Variants in LRMDA observed in about 807,000 individuals in gnomAD.
LRMDA encodes the protein leucine rich melanocyte differentiation associated, also known as leucine-rich melanocyte differentiation-associated protein.
A neutral mutation model predicts 29.8 loss-of-function variants in LRMDA; 18 were observed. The observed-to-expected ratio is 0.60, with a 90% CI of 0.42 to 0.90. The LOEUF is 0.90. Among genes scored for constraint, LRMDA ranks in the 40% least tolerant of loss-of-function variants. The probability of loss-of-function intolerance (pLI) is 0.00; values close to 1 mark genes in which losing one functional copy is unlikely to be tolerated. For missense variants in LRMDA, 273 were observed against 273.9 expected (o/e 1.00, Z 0.02); for synonymous variants, 125 against 109.4 (o/e 1.14, Z -0.89).
intron 5 of LRMDA, among the ~76,000 whole-genome samples, chr10:76,228,054 G>T (rs761435222): frequency 1.3e-5 from 2 of 149,040 alleles, no homozygotes; most frequent in Admixed American, 1.3e-4. Flanking sequence ...ACAGAGTCTC[G>T]CTCTGTTGCT....
chr10:76,263,558 T>A (rs527272805), intron 5 of LRMDA, among the ~76,000 whole-genome samples: 1 of 152,322 alleles, frequency 6.6e-6, no homozygotes, highest in Admixed American at 6.5e-5. Context: ...ATAACTCATC[T>A]CACATAGTTA....
At chr10:76,488,042 A>C (rs1044087773) in intron 6 of LRMDA, among the ~76,000 whole-genome samples, 5 of 151,854 alleles carry the variant, frequency 3.3e-5, no homozygotes, top group African/African-American at 1.2e-4. Flanking sequence ...TAAGTGGTTC[A>C]GATTTTTTAA....
At chr10:75,776,178 T>C (rs1366481527) in intron 2 of LRMDA, among the ~76,000 whole-genome samples, 2 of 152,206 alleles carry the variant, frequency 1.3e-5, no homozygotes, top group East Asian at 1.9e-4. Context: ...TGCTGAACAC[T>C]GAGGAAAGCA....
chr10:76,199,509 T>A (rs1459014188), intron 5 of LRMDA, among the ~76,000 whole-genome samples: 1 of 152,204 alleles, frequency 6.6e-6, no homozygotes, highest in African/African-American at 2.4e-5. Context: ...CACAGGCATT[T>A]ACTTGTATCC....
intron 5 of LRMDA, among the ~76,000 whole-genome samples, chr10:76,322,653 C>A (rs1840785619): frequency 6.6e-6 from 1 of 152,206 alleles, no homozygotes; most frequent in Non-Finnish European, 1.5e-5. Flanking sequence ...AAAAAGCTGT[C>A]ATCAAATTGT....
At position 75,706,820 on chromosome 10, in the gene LRMDA, G is replaced by A. The variant is rs145155472; in HGVS notation, c.131+268326G>A. 9.7e-3 allele frequency among the ~76,000 whole-genome samples: 1,443 copies of A among 148,098 alleles called. 24 individuals are homozygous for A. The highest frequency in any genetic ancestry group is 0.034 in the African/African-American group (1,365 of 39,788). ...TCCAGCTTTTACGGAGTCAGAATTC[G>A]AAGTCAGGTCCACCCTGCCATGCAC... On this transcript the variant is annotated intron_variant, in intron 2 of 6. Coordinates refer to ENST00000611255, the MANE Select transcript of LRMDA (RefSeq NM_001305581.2).
chr10:76,342,241 G>T lies in LRMDA; in HGVS notation c.601+17756G>T, dbSNP rs377615901. Among the ~76,000 whole-genome samples, 9 of 152,006 alleles carry T rather than the reference G, an allele frequency of 5.9e-5. No individual in the cohort carries two copies. The East Asian group carries it at 9.6e-4, about 16-fold the overall frequency. ...TAGTACTCTTACATTTCAAGTCAGA[G>T]ATAACATATATGGTTAAGAATTCCT... On this transcript the variant is annotated intron_variant, in intron 6 of 6. Transcript: ENST00000611255.
At chr10:75,974,046 A>G (rs1209367050) in intron 2 of LRMDA, among the ~76,000 whole-genome samples, 1 of 152,152 alleles carries the variant, frequency 6.6e-6, no homozygotes, top group Non-Finnish European at 1.5e-5. Context: ...GATGTTGGCA[A>G]AACTACAAAC....
intron 2 of LRMDA, among the ~76,000 whole-genome samples, chr10:75,832,175 G>A (rs1441291744): frequency 6.6e-6 from 1 of 152,102 alleles, no homozygotes; most frequent in African/African-American, 2.4e-5. Context: ...AAATTTTAAT[G>A]CTCTGTTTCC....
chr10:76,286,329 G>T (rs965137031), intron 5 of LRMDA, among the ~76,000 whole-genome samples: 3 of 152,198 alleles, frequency 2.0e-5, no homozygotes, highest in African/African-American at 7.2e-5. Flanking sequence ...GAAATCAGAT[G>T]ACCTGGATTC....
chr10:75,957,702 G>A (rs1408747759), intron 2 of LRMDA, among the ~76,000 whole-genome samples: 1 of 152,182 alleles, frequency 6.6e-6, no homozygotes, highest in South Asian at 2.1e-4. Flanking sequence ...CAGCAATGGG[G>A]TTAGAGAGGG....
At position 75,957,392 on chromosome 10, in the gene LRMDA, G is replaced by T. The variant is rs140409777; in HGVS notation, c.132-78616G>T. ...TTCTTTGTTACAGACAACAATGAAG[G>T]GTGCCTTTAAGAAATCTCCAGTGAG... On this transcript the variant is annotated intron_variant, in intron 2 of 6. Transcript: ENST00000611255. Among the ~76,000 whole-genome samples, 376 of 152,326 alleles carry T rather than the reference G, an allele frequency of 2.5e-3. 3 individuals carry two copies. Among genetic ancestry groups the T allele is most frequent in the African/African-American group, 8.2e-3 (342 of 41,588 alleles).
At chr10:76,029,118 C>A (rs1035211620) in intron 2 of LRMDA, among the ~76,000 whole-genome samples, 1 of 152,078 alleles carries the variant, frequency 6.6e-6, no homozygotes, top group Non-Finnish European at 1.5e-5. Context: ...CCTGGCCAAC[C>A]ATTTTGAACT....
intron 6 of LRMDA, among the ~76,000 whole-genome samples, chr10:76,455,382 G>A (rs763500373): frequency 1.3e-5 from 2 of 152,110 alleles, no homozygotes; most frequent in South Asian, 4.1e-4. Context: ...TCCTAGGCTC[G>A]GCTGGTCACC....
intron 5 of LRMDA, among the ~76,000 whole-genome samples, chr10:76,085,195 AC>A (rs1366318540): frequency 1.3e-5 from 2 of 152,192 alleles, no homozygotes; most frequent in Non-Finnish European, 2.9e-5. Context: ...ACATAAAGGG[AC>A]CTGGAGCTGT....
intron 6 of LRMDA, among the ~76,000 whole-genome samples, chr10:76,367,957 C>T (rs1489026551): frequency 6.6e-6 from 1 of 151,876 alleles, no homozygotes; most frequent in East Asian, 1.9e-4. Flanking sequence ...TCTCCTTTTT[C>T]ATTTCTTAGT....
At chr10:75,491,672 G>A (rs948456836) in intron 2 of LRMDA, among the ~76,000 whole-genome samples, 1 of 152,138 alleles carries the variant, frequency 6.6e-6, no homozygotes, top group African/African-American at 2.4e-5. Context: ...GAGAAACATA[G>A]ACACTTTCTC....
intron 6 of LRMDA, among the ~76,000 whole-genome samples, chr10:76,429,645 T>C (rs1842170165): frequency 6.6e-6 from 1 of 152,204 alleles, no homozygotes; most frequent in Non-Finnish European, 1.5e-5. Flanking sequence ...TCTTTTTTCA[T>C]TGTAGCTACA....
chr10:76,060,954 G>T (rs1397898869), intron 5 of LRMDA, among the ~76,000 whole-genome samples: 1 of 152,210 alleles, frequency 6.6e-6, no homozygotes, highest in African/African-American at 2.4e-5. Context: ...ATTGTGGAAA[G>T]CAGTATGGCA....
Sources: allele counts gnomAD v4.1 joint callset (sites outside exome capture counted in the v4.1 genomes callset), GRCh38; gene constraint gnomAD v4.1.1; transcripts MANE v1.5; gene names NCBI Gene and HGNC (gene_info 2026-07-23, HGNC 2026-07-21).